The following GRIK4 variants were observed in gnomAD, a reference collection of about 807,000 sequenced individuals.
GRIK4 encodes glutamate ionotropic receptor kainate type subunit 4.
Under a neutral mutation model 104.9 loss-of-function variants are expected in GRIK4, and 40 were observed. The ratio of observed to expected loss-of-function variants is 0.38; its 90% confidence interval spans 0.30 to 0.50. The LOEUF (loss-of-function observed/expected upper bound fraction) is 0.50. Ranked by LOEUF, GRIK4 falls within the 20% of genes least tolerant of loss-of-function variation. The pLI is 0.93. For synonymous variants in GRIK4, 485 were observed against 524.9 expected (o/e 0.92, Z 1.04); for missense variants, 1,047 against 1,308.1 (o/e 0.80, Z 3.08).
intron 11 of GRIK4, among the ~76,000 whole-genome samples, chr11:120,878,980 T>C (rs572298898): frequency 2.6e-5 from 4 of 152,306 alleles, no homozygotes; most frequent in African/African-American, 7.2e-5. Flanking sequence ...TGAGTACTTT[T>C]TGCATACCAG....
At chr11:120,684,617 G>A (rs193259267) in intron 3 of GRIK4, among the ~76,000 whole-genome samples, 1 of 152,210 alleles carries the variant, frequency 6.6e-6, no homozygotes, top group South Asian at 2.1e-4. Context: ...AAGAGCCTAG[G>A]TGCAGGAGAA....
chr11:120,665,653 A>G (rs1359772170), intron 3 of GRIK4, among the ~76,000 whole-genome samples: 4 of 152,250 alleles, frequency 2.6e-5, no homozygotes, highest in Non-Finnish European at 5.9e-5. Context: ...GGAATTGGTC[A>G]AGGTTTAAAA....
chr11:120,700,266 T>C (rs1457155509), intron 3 of GRIK4, among the ~76,000 whole-genome samples: 8 of 38,642 alleles, frequency 2.1e-4, no homozygotes, highest in Non-Finnish European at 3.6e-4. Flanking sequence ...TATTACTACT[T>C]TTTTTTTTTT....
chr11:120,580,261 C>CTT (rs1948559665), intron 1 of GRIK4, among the ~76,000 whole-genome samples: 1 of 127,552 alleles, frequency 7.8e-6, no homozygotes, highest in South Asian at 2.3e-4. Flanking sequence ...CTTTTTCTTT[C>CTT]TTTCTTTCCT....
At chr11:120,807,016 A>G (rs1952724537) in intron 4 of GRIK4, among the ~76,000 whole-genome samples, 1 of 152,170 alleles carries the variant, frequency 6.6e-6, no homozygotes, top group African/African-American at 2.4e-5. Flanking sequence ...TGCATCTGAC[A>G]TCCCCCACCT....
chr11:120,889,360 A>G (rs1036999384), intron 11 of GRIK4, among the ~76,000 whole-genome samples: 3 of 152,122 alleles, frequency 2.0e-5, no homozygotes, highest in African/African-American at 7.2e-5. Context: ...ATCCCTGGCC[A>G]TAGTGTTTTC....
At chr11:120,863,598 G>A (rs1356635855) in intron 9 of GRIK4, among the ~76,000 whole-genome samples, 1 of 152,238 alleles carries the variant, frequency 6.6e-6, no homozygotes, top group East Asian at 1.9e-4. Flanking sequence ...AAAAGCATTA[G>A]GTCTAGGAGA....
At chr11:120,598,627 C>T (rs967991302) in intron 1 of GRIK4, among the ~76,000 whole-genome samples, 1 of 152,162 alleles carries the variant, frequency 6.6e-6, no homozygotes, top group African/African-American at 2.4e-5. Flanking sequence ...GCCAGGTTGT[C>T]TGGGGCTGCA....
intron 20 of GRIK4, among the ~76,000 whole-genome samples, chr11:120,982,698 A>T (rs1944672473): frequency 6.6e-6 from 1 of 152,098 alleles, no homozygotes; most frequent in Non-Finnish European, 1.5e-5. Context: ...CTTCCAACCC[A>T]CCCCAGGGAA....
intron 1 of GRIK4, chr11:120,514,863 A>C (rs972426095): frequency 9.7e-6 from 4 of 410,396 alleles, no homozygotes; most frequent in Non-Finnish European, 2.0e-5. Flanking sequence ...TTGCTCTCCC[A>C]CTGCCGTGGT....
At chr11:120,582,286 A>G (rs375857606) in intron 1 of GRIK4, among the ~76,000 whole-genome samples, 1 of 150,688 alleles carries the variant, frequency 6.6e-6, no homozygotes, top group South Asian at 2.1e-4. Context: ...CATATACATT[A>G]TACGTATGTA....
chr11:120,923,404 A>ATTTTTTTTTTTT (rs775194642), intron 13 of GRIK4, among the ~76,000 whole-genome samples: 1 of 81,646 alleles, frequency 1.2e-5, no homozygotes, highest in Non-Finnish European at 2.2e-5. Flanking sequence ...CCATTTGCTC[A>ATTTTTTTTTTTT]TTTTTTTTTT....
At chr11:120,735,930 A>G (rs1006273044) in intron 3 of GRIK4, among the ~76,000 whole-genome samples, 1 of 152,162 alleles carries the variant, frequency 6.6e-6, no homozygotes, top group South Asian at 2.1e-4. Flanking sequence ...TCCTAGGGCC[A>G]GTTAGCTCCC....
chr11:120,528,362 T>C (rs568344133), intron 1 of GRIK4, among the ~76,000 whole-genome samples: 29 of 152,178 alleles, frequency 1.9e-4, no homozygotes, highest in Middle Eastern at 3.4e-3. Context: ...CTGCCCGCCT[T>C]GGCCTCCCAA....
chr11:120,930,047 T>G (rs1372397752), intron 13 of GRIK4, among the ~76,000 whole-genome samples: 1 of 151,706 alleles, frequency 6.6e-6, no homozygotes, highest in Non-Finnish European at 1.5e-5. Context: ...CTGCACTGGC[T>G]CTTCACTAGG....
Position 120,924,417 on chromosome 11 carries a change from T to G in GRIK4, c.1477-15930T>G, listed in dbSNP as rs532129160. Among the ~76,000 whole-genome samples the G allele has an allele frequency of 4.5e-4, 69 of 152,142 alleles. No individual in the cohort carries two copies. In the South Asian group the frequency reaches 6.8e-3, roughly 15 times the overall value. The stretch of plus-strand genomic sequence containing the variant: ...CATTCTCCTACTTGGGAAAATCACT[T>G]AACTTAAAAAAATATATATTGAAAT... On this transcript the variant is annotated intron_variant, in intron 13 of 20. Coordinates refer to ENST00000527524, the MANE Select transcript of GRIK4 (RefSeq NM_014619.5).
chr11:120,740,146 C>T (rs1457463894), intron 3 of GRIK4, among the ~76,000 whole-genome samples: 1 of 150,630 alleles, frequency 6.6e-6, no homozygotes, highest in Non-Finnish European at 1.5e-5. Context: ...TAGATTGACT[C>T]TCCTTCCCTT....
At chr11:120,526,053 G>A (rs754337036) in intron 1 of GRIK4, among the ~76,000 whole-genome samples, 3 of 152,134 alleles carry the variant, frequency 2.0e-5, no homozygotes, top group Non-Finnish European at 4.4e-5. Flanking sequence ...AAAAACAGGC[G>A]AAGTAATCTA....
At chr11:120,670,939 A>C (rs58865460) in intron 3 of GRIK4, among the ~76,000 whole-genome samples, 2,136 of 151,724 alleles carry the variant, frequency 0.014, 49 homozygotes, top group African/African-American at 0.049. Flanking sequence ...CCCACTTATG[A>C]GTGAGAACAT....
Sources: allele counts gnomAD v4.1 joint callset (sites outside exome capture counted in the v4.1 genomes callset), GRCh38; gene constraint gnomAD v4.1.1; transcripts MANE v1.5; gene names NCBI Gene and HGNC (gene_info 2026-07-23, HGNC 2026-07-21).